Variants in KIAA1217 observed in about 807,000 individuals in gnomAD.
KIAA1217 encodes sickle tail protein homolog.
KIAA1217 carries 88 observed loss-of-function variants against 163.9 expected under a neutral mutation model. The ratio of observed to expected loss-of-function variants is 0.54; its 90% CI spans 0.45 to 0.64. The LOEUF (loss-of-function observed/expected upper bound fraction) is 0.64. Among genes scored for constraint, KIAA1217 ranks in the 30% least tolerant of loss-of-function variants. The pLI, the probability that KIAA1217 is intolerant of heterozygous loss-of-function variation, is 0.00. For synonymous variants in KIAA1217, 903 were observed against 923.1 expected, an observed-to-expected ratio of 0.98 and a Z score of 0.39; for missense variants, 2,372 against 2,475.0, an observed-to-expected ratio of 0.96 and a Z score of 0.88.
At position 24,219,895 on chromosome 10, in the gene KIAA1217, A is replaced by G; in HGVS notation, c.340A>G (p.Arg114Gly). ...CTCTGCAATCATGGGTCACCAAGAG[A>G]GGCTGAGAGACCAGGTACGAATATG... is the stretch of plus-strand genomic sequence containing the variant. ...HASAIMGHQE[R>G]LRDQTRSPKL... Residue 114 changes from arginine (R) to glycine (G), a missense_variant, in exon 2 of 21, where the codon AGG (arginine) becomes GGG (glycine). This residue lies in a region of KIAA1217 where 1,431 missense variants were observed against 1,470.3 expected (regional missense o/e 0.97). Coordinates refer to ENST00000376454, the MANE Select transcript of KIAA1217 (RefSeq NM_019590.5). The G allele has an allele frequency of 6.2e-7, 1 of 1,601,004 alleles. No homozygotes were observed.
At chr10:23,822,012 C>T (rs1837643869) in intron 1 of KIAA1217, among the ~76,000 whole-genome samples, 1 of 152,184 alleles carries the variant, frequency 6.6e-6, no homozygotes, top group South Asian at 2.1e-4. Flanking sequence ...GCTACTCAGA[C>T]CATCCCATCA....
intron 3 of KIAA1217, among the ~76,000 whole-genome samples, chr10:24,391,062 T>C (rs1389103106): frequency 6.6e-6 from 1 of 152,220 alleles, no homozygotes; most frequent in Non-Finnish European, 1.5e-5. Flanking sequence ...TCTCAAACTT[T>C]GAAGCAATTG....
chr10:23,860,593 G>C (rs1839905394), intron 1 of KIAA1217, among the ~76,000 whole-genome samples: 3 of 152,046 alleles, frequency 2.0e-5, no homozygotes, highest in Admixed American at 2.0e-4. Context: ...CTTCCTTTAT[G>C]TGTAAACAAT....
At chr10:23,739,969 A>C (rs532996924) in intron 1 of KIAA1217, among the ~76,000 whole-genome samples, 12 of 152,294 alleles carry the variant, frequency 7.9e-5, no homozygotes, top group Admixed American at 6.5e-4. Flanking sequence ...CTGGGAACCA[A>C]AATTGAGTTG....
chr10:24,232,707 T>C (rs1029604695), intron 2 of KIAA1217, among the ~76,000 whole-genome samples: 3 of 152,140 alleles, frequency 2.0e-5, no homozygotes, highest in African/African-American at 7.2e-5. Context: ...TCTTTTCTTG[T>C]CAAACTTGAG....
At position 24,542,786 on chromosome 10, in the gene KIAA1217, C is replaced by T; in HGVS notation, c.3612+16C>T. 6.2e-7 allele frequency: 1 copy of T among 1,613,296 alleles called. No individual in the cohort carries two copies. The highest frequency in any genetic ancestry group is 8.5e-7 in the Non-Finnish European group (1 of 1,179,270). ...ATTCCAAAAGGTGAGTTCACCAGATCTGGGTTCCGACCAATACCATGCACA... is the reference window on the plus strand; with the variant it reads ...ATTCCAAAAGGTGAGTTCACCAGATTTGGGTTCCGACCAATACCATGCACA... On this transcript the variant is annotated intron_variant, in intron 18 of 20. Transcript: ENST00000376454.
intron 1 of KIAA1217, among the ~76,000 whole-genome samples, chr10:23,929,250 C>G (rs573064248): frequency 1.3e-5 from 2 of 152,210 alleles, no homozygotes; most frequent in East Asian, 3.9e-4. Flanking sequence ...GGCTAACCAC[C>G]ACAAAGTCTG....
chr10:24,461,647 C>A (rs905553949), intron 5 of KIAA1217, among the ~76,000 whole-genome samples: 4 of 152,186 alleles, frequency 2.6e-5, no homozygotes, highest in African/African-American at 9.7e-5. Flanking sequence ...TGAGCTACTG[C>A]ACCCGGCTGT....
At chr10:23,797,575 G>T (rs1836266161) in intron 1 of KIAA1217, among the ~76,000 whole-genome samples, 1 of 152,086 alleles carries the variant, frequency 6.6e-6, no homozygotes. Flanking sequence ...GGCTGGGGAG[G>T]CCTCAGGAAA....
chr10:23,731,125 T>A (rs1328114631), intron 1 of KIAA1217, among the ~76,000 whole-genome samples: 1 of 152,090 alleles, frequency 6.6e-6, no homozygotes, highest in Non-Finnish European at 1.5e-5. Flanking sequence ...GGGTTTGCAG[T>A]CTGCAGGATG....
rs757566686 is a variant in KIAA1217 at position 24,533,142 on chromosome 10, G to A, written c.3319G>A (p.Ala1107Thr). ...ATATCCAGCAGAGGAGCCTGCTTCA[G>A]CCTGGACCCCATCCCCACCGCCTGT... Reference protein sequence around the residue: ...TKYPAEEPASAWTPSPPPVTT... With the variant: ...TKYPAEEPASTWTPSPPPVTT... Residue 1107 changes from alanine (A) to threonine (T), a missense_variant, in exon 16 of 21, where the codon GCC becomes ACC. Ala to Thr is a moderately conservative substitution (Grantham distance 58, BLOSUM62 0). Transcript: ENST00000376454. 4 of 1,613,864 alleles carry A rather than the reference G, an allele frequency of 2.5e-6. No homozygotes were observed. In the South Asian group the frequency reaches 4.4e-5, roughly 18 times the overall value.
intron 2 of KIAA1217, among the ~76,000 whole-genome samples, chr10:24,118,092 GACGTGAATTT>G (rs1023606680): frequency 2.0e-5 from 3 of 150,464 alleles, no homozygotes; most frequent in African/African-American, 7.3e-5. Context: ...ACCAAACCCT[GACGTGAATTT>G]ACCTCTATAA....
intron 2 of KIAA1217, among the ~76,000 whole-genome samples, chr10:24,282,903 G>A (rs1356936292): frequency 4.2e-5 from 6 of 142,316 alleles, no homozygotes; most frequent in Non-Finnish European, 7.5e-5. Flanking sequence ...GCGCAATCTC[G>A]GCTCACTGCA....
chr10:24,128,787 A>G (rs1434802205), intron 2 of KIAA1217, among the ~76,000 whole-genome samples: 1 of 152,236 alleles, frequency 6.6e-6, no homozygotes, highest in African/African-American at 2.4e-5. Flanking sequence ...AGGCAGGGCC[A>G]AAGACTTGAG....
intron 1 of KIAA1217, among the ~76,000 whole-genome samples, chr10:23,911,871 C>T (rs1477355513): frequency 6.6e-6 from 1 of 152,044 alleles, no homozygotes; most frequent in Non-Finnish European, 1.5e-5. Flanking sequence ...TGGCTCTGTG[C>T]TGGTATGAGT....
chr10:24,237,138 C>A (rs1440634977), intron 2 of KIAA1217, among the ~76,000 whole-genome samples: 1 of 152,192 alleles, frequency 6.6e-6, no homozygotes, highest in Non-Finnish European at 1.5e-5. Flanking sequence ...AGGCAAATCA[C>A]AATGTCATTA....
At chr10:24,175,641 A>T (rs896530964) in intron 2 of KIAA1217, among the ~76,000 whole-genome samples, 1 of 152,062 alleles carries the variant, frequency 6.6e-6, no homozygotes, top group African/African-American at 2.4e-5. Context: ...CCTCGCGGTG[A>T]GTGTTACAGT....
chr10:24,443,125 G>C (rs2132090890), intron 5 of KIAA1217, among the ~76,000 whole-genome samples: 1 of 152,188 alleles, frequency 6.6e-6, no homozygotes, highest in South Asian at 2.1e-4. Context: ...TGGCCAGGCT[G>C]GTCTCAAACT....
chr10:24,038,687 G>A (rs1183048177), intron 2 of KIAA1217, among the ~76,000 whole-genome samples: 4 of 151,436 alleles, frequency 2.6e-5, no homozygotes, highest in African/African-American at 9.7e-5. Flanking sequence ...ACGGCTTCCA[G>A]TGGCTCAGAC....
Sources: gnomAD v4.1 joint callset for allele counts (sites outside exome capture counted in the v4.1 genomes callset) on GRCh38, gnomAD v4.1.1 for gene constraint, gnomAD v4.1.1 regional missense constraint, MANE v1.5 for transcripts, NCBI Gene and HGNC (gene_info 2026-07-23, HGNC 2026-07-21) for gene names.